The following TNRC18 variants were observed in gnomAD, a reference collection of about 807,000 sequenced individuals.
TNRC18 encodes trinucleotide repeat-containing gene 18 protein.
A neutral mutation model predicts 226.7 loss-of-function variants in TNRC18; 69 were observed. The observed-to-expected ratio is 0.30, with a 90% CI of 0.25 to 0.37. TNRC18 has a LOEUF of 0.37. Ranked by LOEUF, TNRC18 falls within the 10% of genes least tolerant of loss-of-function variation. The pLI is 1.00. For missense variants in TNRC18, 4,754 were observed against 4,256.6 expected, an observed-to-expected ratio of 1.12 and a Z score of -3.25; for synonymous variants, 2,449 against 1,927.6, an observed-to-expected ratio of 1.27 and a Z score of -7.09.
Position 5,313,088 on chromosome 7 carries a change from G to T in TNRC18, c.7803C>A (p.Asn2601Lys), listed in dbSNP as rs1276485881. ...GDGGCGTGGRNCSAASSRAAS... is the reference protein window; with the variant it reads ...GDGGCGTGGRKCSAASSRAAS... ...CCGCCCTGGAGCTGGCAGCGCTGCA[G>T]TTACGGCCCCCGGTGCCGCAGCCCC... The change falls in exon 27 of 30, where the codon AAC (asparagine) becomes AAA (lysine). Residue 2601 changes from asparagine to lysine, a missense_variant. Transcript: ENST00000430969. 2 of 1,319,322 alleles carry T rather than the reference G, an allele frequency of 1.5e-6. No individual in the cohort carries two copies. Among genetic ancestry groups the T allele is most frequent in the Non-Finnish European group, 2.1e-6 (2 of 947,442 alleles). 81.7% of individuals were successfully genotyped at this position (1,319,322 alleles called of 1,614,324 possible).
At chr7:5,328,234 T>A (rs527516430) in intron 19 of TNRC18, among the ~76,000 whole-genome samples, 29 of 151,168 alleles carry the variant, frequency 1.9e-4, no homozygotes, top group African/African-American at 6.6e-4. Context: ...ACAAAAAAAA[T>A]ACTGATGTCC....
chr7:5,383,957 A>ATTTT (rs765430615), intron 5 of TNRC18, among the ~76,000 whole-genome samples: 12,495 of 78,730 alleles, frequency 0.16, 2,072 homozygotes, highest in South Asian at 0.22. Flanking sequence ...TACCCGGGTG[A>ATTTT]TTTTTTTTTT....
At position 5,306,887 on chromosome 7, in the gene TNRC18, A is replaced by AC. The variant is rs1786567144; in HGVS notation, c.*1218_*1219insG. The AC allele has an allele frequency of 6.6e-6, 1 of 151,084 alleles. No individual in the cohort carries two copies. Among genetic ancestry groups the AC allele is most frequent in the East Asian group, 1.9e-4 (1 of 5,160 alleles). The allele number at this position is 151,084 out of a possible 1,614,324, so 9.4% of individuals were successfully genotyped here. A position where few individuals can be genotyped will look rare whatever the true frequency, so the allele number is the denominator to read the frequency against. ...ATTCCAAAAGAAACATAAAAAAAAA[A>AC]ACCAATAATTCCCCCAAAAAACAAA... On this transcript the variant is annotated 3_prime_UTR_variant, in exon 30 of 30. Transcript: ENST00000430969.
At chr7:5,361,123 C>T (rs369999886) in intron 14 of TNRC18, among the ~76,000 whole-genome samples, 7 of 152,200 alleles carry the variant, frequency 4.6e-5, no homozygotes, top group Admixed American at 1.3e-4. Context: ...CTGCGACCGC[C>T]GCCCGAGGAG....
chr7:5,345,628 G>C lies in TNRC18; in HGVS notation c.5653C>G (p.Leu1885Val). Residue 1885 changes from leucine to valine, a missense_variant, in exon 18 of 30, where the codon CTG becomes GTG. Physicochemically the swap from Leu to Val is conservative, Grantham distance 32. Transcript: ENST00000430969. ...TTGGCCTCCAGCTGTACCACAGACAGGGATGGACCCACCGTGGGGCTGGGG... is the reference window on the plus strand; with the variant it reads ...TTGGCCTCCAGCTGTACCACAGACACGGATGGACCCACCGTGGGGCTGGGG... Reference protein sequence around the residue: ...ALPSPTVGPSLSVVQLEAKQK... With the variant: ...ALPSPTVGPSVSVVQLEAKQK... 2 of 1,557,334 alleles carry C rather than the reference G, an allele frequency of 1.3e-6. No individual in the cohort carries two copies. Among genetic ancestry groups the C allele is most frequent in the East Asian group, 4.8e-5 (2 of 41,514 alleles).
intron 2 of TNRC18, among the ~76,000 whole-genome samples, chr7:5,400,488 T>TA (rs1781009145): frequency 6.6e-6 from 1 of 152,070 alleles, no homozygotes; most frequent in Non-Finnish European, 1.5e-5. Context: ...CGTGTCCCTA[T>TA]AGTCCCAGCT....
intron 2 of TNRC18, among the ~76,000 whole-genome samples, chr7:5,402,811 G>GCCA (rs1228818969): frequency 6.6e-6 from 1 of 151,894 alleles, no homozygotes; most frequent in African/African-American, 2.4e-5. Context: ...GCGACACAGT[G>GCCA]CCACTGCACT....
chr7:5,370,933 C>T lies in TNRC18; in HGVS notation c.3661G>A (p.Asp1221Asn). Reference sequence around the variant, plus strand: ...CGTGGTTCAGGCCCCTCCACAAAGTCTGGACACTCAGAGGGCTCTGCGCAG... The same window carrying T: ...CGTGGTTCAGGCCCCTCCACAAAGTTTGGACACTCAGAGGGCTCTGCGCAG... ...QSCAEPSECP[D>N]FVEGPEPRVD... The change falls in exon 11 of 30, where the codon GAC (aspartate) becomes AAC (asparagine). Residue 1221 changes from aspartate (D) to asparagine (N), a missense_variant. Asp to Asn is a conservative substitution (Grantham distance 23). Coordinates refer to ENST00000430969, the MANE Select transcript of TNRC18 (RefSeq NM_001080495.3). 1 of 1,605,438 alleles carries T rather than the reference C, an allele frequency of 6.2e-7. No homozygotes were observed. The highest frequency in any genetic ancestry group is 8.5e-7 in the Non-Finnish European group (1 of 1,179,746).
intron 15 of TNRC18, 42 bp downstream of exon 15, chr7:5,359,356 T>C (rs1562543830): frequency 6.2e-7 from 1 of 1,608,806 alleles, no homozygotes; most frequent in Admixed American, 1.7e-5. Flanking sequence ...TCCAGACACC[T>C]CCCTGAAAGA....
At chr7:5,391,389 G>A (rs1019681360) in intron 3 of TNRC18, among the ~76,000 whole-genome samples, 2 of 151,584 alleles carry the variant, frequency 1.3e-5, no homozygotes, top group African/African-American at 4.9e-5. Flanking sequence ...TCGGTTCACT[G>A]CAACCTCCAC....
In TNRC18 at chr7:5,309,997, C is replaced by T. The variant is rs1787012288; in HGVS notation, c.8389-629G>A. Reference sequence around the variant, plus strand: ...GTAATATCATAGCTCACTGCAGCCTCGATCTCCTGGGCTCAAGCCATCCTC... The same window carrying T: ...GTAATATCATAGCTCACTGCAGCCTTGATCTCCTGGGCTCAAGCCATCCTC... On this transcript the variant is annotated intron_variant, in intron 27 of 29. Coordinates refer to ENST00000430969, the MANE Select transcript of TNRC18 (RefSeq NM_001080495.3). The surrounding 1 kb of genome is among the most constrained non-coding windows in gnomAD (Gnocchi z 5.7). Among the ~76,000 whole-genome samples, 2 of 152,110 alleles carry T rather than the reference C, an allele frequency of 1.3e-5. No individual in the cohort carries two copies. The highest frequency in any genetic ancestry group is 1.3e-4 in the Admixed American group (2 of 15,260).
rs372663850 is a variant in TNRC18 at position 5,352,038 on chromosome 7, G to A, written c.5251C>T (p.Pro1751Ser). 75 of 1,613,546 alleles carry A rather than the reference G, an allele frequency of 4.6e-5. No individual in the cohort carries two copies. The highest frequency in any genetic ancestry group is 5.8e-5 in the Non-Finnish European group (68 of 1,179,772). The stretch of plus-strand genomic sequence containing the variant: ...GAAGGCGTCAGTTTGGAGCTGGAGG[G>A]GCCTTGGGCGGGCCACTCGTCCTTC... ...FLKDEWPAQG[P>S]SSSKLTPSLL... The change falls in exon 17 of 30, where the codon CCC becomes TCC. Residue 1751 changes from proline (P) to serine (S), a missense_variant. Pro to Ser is a moderately conservative substitution (Grantham distance 74). Transcript: ENST00000430969.
At chr7:5,381,607 GGAGT>G (rs1194792671) in intron 5 of TNRC18, among the ~76,000 whole-genome samples, 2 of 151,992 alleles carry the variant, frequency 1.3e-5, no homozygotes, top group African/African-American at 4.8e-5. Context: ...CCTGGGCAAC[GGAGT>G]GAGACCCTGT....
intron 2 of TNRC18, among the ~76,000 whole-genome samples, chr7:5,414,825 T>G (rs150619386): frequency 7.0e-4 from 106 of 152,302 alleles, no homozygotes; most frequent in African/African-American, 2.4e-3. Flanking sequence ...TAATCTACAG[T>G]CCATATTCCA....
intron 22 of TNRC18, 192 bp from the exon 23 acceptor site, chr7:5,320,799 G>T: frequency 1.6e-6 from 1 of 627,328 alleles, no homozygotes; most frequent in Admixed American, 2.9e-5. Context: ...ACTAGGGGTT[G>T]CAAGGCACAG....
chr7:5,349,019 T>A (rs1327042120), intron 17 of TNRC18, among the ~76,000 whole-genome samples: 1 of 152,166 alleles, frequency 6.6e-6, no homozygotes, highest in Non-Finnish European at 1.5e-5. Context: ...TCTTCCCTTC[T>A]AGCCACTCAG....
rs6974647 is a variant in TNRC18 at position 5,371,665 on chromosome 7, C to A, written c.3230-301G>T. Among the ~76,000 whole-genome samples, 74,017 of 152,032 alleles carry A rather than the reference C, an allele frequency of 0.49. 18,327 individuals carry two copies. Among genetic ancestry groups the A allele is most frequent in the South Asian group, 0.54 (2,592 of 4,822 alleles). On this transcript the variant is annotated intron_variant, in intron 10 of 29. Coordinates refer to ENST00000430969, the MANE Select transcript of TNRC18 (RefSeq NM_001080495.3). ...CCCAGCACAAGGCTAGACCAGAAGC[C>A]AACACTTCATGAGGTCTGCAAAGGC... is the stretch of plus-strand genomic sequence containing the variant.
In TNRC18 at chr7:5,324,413, T is replaced by A; in HGVS notation, c.6301-58A>T. The A allele has an allele frequency of 6.3e-7, 1 of 1,587,552 alleles. No homozygotes were observed. Among genetic ancestry groups the A allele is most frequent in the Non-Finnish European group, 8.6e-7 (1 of 1,166,850 alleles). ...GGACCTGAACAGGGGTCCTGCCGGGTTGGGGACCCTCTCTGGAAACCTGGA... is the reference window on the plus strand; with the variant it reads ...GGACCTGAACAGGGGTCCTGCCGGGATGGGGACCCTCTCTGGAAACCTGGA... On this transcript the variant is annotated intron_variant, in intron 20 of 29. Coordinates refer to ENST00000430969, the MANE Select transcript of TNRC18 (RefSeq NM_001080495.3). This position sits in a 1 kb window ranked among gnomAD's most constrained non-coding sequence, Gnocchi z 4.8.
At chr7:5,399,866 G>T (rs1176129930) in intron 2 of TNRC18, among the ~76,000 whole-genome samples, 1 of 130,624 alleles carries the variant, frequency 7.7e-6, no homozygotes, top group Non-Finnish European at 1.7e-5. Context: ...CCCCGCCCCC[G>T]CCCCGTCTCT....
Sources: allele counts gnomAD v4.1 joint callset (sites outside exome capture counted in the v4.1 genomes callset), GRCh38; gene constraint gnomAD v4.1.1; non-coding constraint Gnocchi (gnomAD v3.1); transcripts MANE v1.5; gene names NCBI Gene and HGNC (gene_info 2026-07-23, HGNC 2026-07-21).